The following MAP3K13 variants were observed in gnomAD, a reference collection of about 807,000 sequenced individuals.
The protein encoded by MAP3K13 is mitogen-activated protein kinase kinase kinase 13, also known as leucine zipper-bearing kinase.
A neutral mutation model predicts 104.0 loss-of-function variants in MAP3K13; 52 were observed. That is an observed-to-expected ratio of 0.50 (90% CI 0.40 to 0.63). The LOEUF is 0.63. MAP3K13 is among the 20% of genes least tolerant of loss of function. The probability of loss-of-function intolerance (pLI) is 0.00; values close to 1 mark genes in which losing one functional copy is unlikely to be tolerated. For missense variants in MAP3K13, 914 were observed against 1,218.5 expected (o/e 0.75, Z 3.72); for synonymous variants, 394 against 442.2 (o/e 0.89, Z 1.37).
intron 2 of MAP3K13, among the ~76,000 whole-genome samples, chr3:185,310,833 T>C (rs1434788873): frequency 6.6e-6 from 1 of 152,254 alleles, no homozygotes; most frequent in East Asian, 1.9e-4. Context: ...CCTGCCACTA[T>C]GCTATCATTG....
chr3:185,347,287 G>C (rs1056284474), intron 2 of MAP3K13, among the ~76,000 whole-genome samples: 4 of 152,052 alleles, frequency 2.6e-5, no homozygotes, highest in African/African-American at 9.7e-5. Context: ...ACCTGGCCGA[G>C]ATTTGCTTTT....
At chr3:185,458,009 A>C (rs182416320) in intron 7 of MAP3K13, among the ~76,000 whole-genome samples, 8 of 152,286 alleles carry the variant, frequency 5.3e-5, no homozygotes, top group Admixed American at 4.6e-4. Context: ...AGTTTCTGTG[A>C]GGAGCAAATG....
intron 7 of MAP3K13, among the ~76,000 whole-genome samples, chr3:185,455,456 C>G (rs574316108): frequency 1.9e-4 from 15 of 78,190 alleles, no homozygotes; most frequent in East Asian, 1.7e-3. Flanking sequence ...AGATATATAT[C>G]ATATATATGA....
rs555428012 is a variant in MAP3K13 at position 185,474,749 on chromosome 3, A to G, written c.2430+988A>G. On this transcript the variant is annotated intron_variant, in intron 11 of 13. Coordinates refer to ENST00000265026, the MANE Select transcript of MAP3K13 (RefSeq NM_004721.5). Reference sequence around the variant, plus strand: ...CTGGGATTTGTTACCTGGGAAGCAGACTACCATAGCAGTTAAGAGCATGAG... The same window carrying G: ...CTGGGATTTGTTACCTGGGAAGCAGGCTACCATAGCAGTTAAGAGCATGAG... Among the ~76,000 whole-genome samples the G allele has an allele frequency of 4.6e-5, 7 of 152,266 alleles. No individual in the cohort carries two copies. In the South Asian group the frequency reaches 1.5e-3, roughly 32 times the overall value.
chr3:185,465,960 G>A, intron 9 of MAP3K13, 97 bp downstream of exon 9: 1 of 901,070 alleles, frequency 1.1e-6, no homozygotes. Flanking sequence ...AGAACTGGCA[G>A]ATATTTTATT....
intron 1 of MAP3K13, among the ~76,000 whole-genome samples, chr3:185,415,881 C>A (rs912421730): frequency 2.0e-5 from 3 of 152,046 alleles, no homozygotes; most frequent in African/African-American, 7.2e-5. Flanking sequence ...CTGCTCCCGG[C>A]CAATTTTTTT....
chr3:185,324,773 T>A (rs1407646699), intron 2 of MAP3K13, among the ~76,000 whole-genome samples: 1 of 150,930 alleles, frequency 6.6e-6, no homozygotes. Flanking sequence ...TGTAAACTCT[T>A]TAAAAAAATG....
chr3:185,454,615 T>TATATATATCATATATAG (rs1716213610), intron 7 of MAP3K13, among the ~76,000 whole-genome samples: 1 of 46,906 alleles, frequency 2.1e-5, no homozygotes, highest in African/African-American at 6.8e-5. Context: ...ATATATATGA[T>TATATATATCATATATAG]ATATATATGA....
At position 185,466,887 on chromosome 3, in the gene MAP3K13, A is replaced by G. The variant is rs201038046; in HGVS notation, c.1567A>G (p.Ile523Val). 415 of 1,613,974 alleles carry G rather than the reference A, an allele frequency of 2.6e-4. 1 individual carries two copies. The East Asian group carries it at 8.1e-3, about 32-fold the overall frequency. ...GTYKRHPVRP[I>V]IHPNAMEKLM... ...CTACAAACGACACCCTGTTCGTCCT[A>G]TCATCCATCCCAATGCCATGGAGAA... Residue 523 changes from isoleucine to valine, a missense_variant, in exon 10 of 14, where the codon ATC becomes GTC. This residue lies in a region of MAP3K13 where 583 missense variants were observed against 737.4 expected (regional missense o/e 0.79). Coordinates refer to ENST00000265026, the MANE Select transcript of MAP3K13 (RefSeq NM_004721.5).
rs1718819945 is a variant in MAP3K13, at chr3:185,488,308, C to T, written c.*5852C>T. The T allele has an allele frequency of 6.6e-6, 1 of 152,150 alleles. No homozygotes were observed. The highest frequency in any genetic ancestry group is 1.5e-5 in the Non-Finnish European group (1 of 68,040). The allele number at this position is 152,150 out of a possible 1,614,324, so 9.4% of individuals were successfully genotyped here. A position where few individuals can be genotyped will look rare whatever the true frequency, so the allele number is the denominator to read the frequency against. ...GACAAATATCCTAGCATACTCACAC[C>T]ACCAGTGTCCCACCCTCACAGACTG... On this transcript the variant is annotated 3_prime_UTR_variant, in exon 14 of 14. Transcript: ENST00000265026.
chr3:185,385,442 G>T (rs934121908), intron 1 of MAP3K13, among the ~76,000 whole-genome samples: 1 of 152,046 alleles, frequency 6.6e-6, no homozygotes, highest in Non-Finnish European at 1.5e-5. Context: ...CAAAGTGCTG[G>T]GATTGCAGGT....
rs111457224 is a variant in MAP3K13, at chr3:185,364,616, T to C, written c.-86+1248T>C. Among the ~76,000 whole-genome samples, 182 of 152,370 alleles carry C rather than the reference T, an allele frequency of 1.2e-3. 1 individual carries two copies. The highest frequency in any genetic ancestry group is 4.1e-3 in the African/African-American group (172 of 41,594). On this transcript the variant is annotated intron_variant, in intron 1 of 13. Transcript: ENST00000265026. The stretch of plus-strand genomic sequence containing the variant: ...TGTTGTTCTTAATGAATCTTCCAAC[T>C]GTAAACTCATCTAATTTCAAACTTA...
At chr3:185,455,061 G>C (rs62650462) in intron 7 of MAP3K13, among the ~76,000 whole-genome samples, 3 of 87,784 alleles carry the variant, frequency 3.4e-5, no homozygotes, top group African/African-American at 1.4e-4. Context: ...ATATATGTGA[G>C]ATATATATGA....
At chr3:185,334,957 T>G (rs1263576135) in intron 2 of MAP3K13, among the ~76,000 whole-genome samples, 1 of 151,766 alleles carries the variant, frequency 6.6e-6, no homozygotes, top group Non-Finnish European at 1.5e-5. Flanking sequence ...CCTCTCTCAC[T>G]CTACACAAAA....
Position 185,415,704 on chromosome 3 carries a change from C to T in MAP3K13, c.-85-12793C>T, listed in dbSNP as rs942349648. 2.6e-5 allele frequency among the ~76,000 whole-genome samples: 4 copies of T among 151,624 alleles called. No individual in the cohort carries two copies. In the East Asian group the frequency reaches 7.8e-4, roughly 30 times the overall value. ...GCTCAAGAGATTCTCCTGCCTCAGC[C>T]TCCCAAGTAGCTGGGATTACAGGCA... On this transcript the variant is annotated intron_variant, in intron 1 of 13. Coordinates refer to ENST00000265026, the MANE Select transcript of MAP3K13 (RefSeq NM_004721.5).
At chr3:185,402,281 A>T (rs913421698) in intron 1 of MAP3K13, among the ~76,000 whole-genome samples, 16 of 152,208 alleles carry the variant, frequency 1.1e-4, no homozygotes, top group Non-Finnish European at 2.4e-4. Context: ...ACAAATTATT[A>T]TTCATGGTAG....
intron 10 of MAP3K13, among the ~76,000 whole-genome samples, chr3:185,472,231 A>T (rs1293424151): frequency 8.3e-6 from 1 of 119,902 alleles, no homozygotes; most frequent in African/African-American, 3.3e-5. Context: ...TTTTTTTGAG[A>T]CAGAGTCTCA....
At chr3:185,455,653 A>C (rs1228246816) in intron 7 of MAP3K13, among the ~76,000 whole-genome samples, 1 of 54,598 alleles carries the variant, frequency 1.8e-5, no homozygotes, top group East Asian at 5.0e-4. Flanking sequence ...TGAGATATAT[A>C]TATGATATAT....
intron 1 of MAP3K13, chr3:185,417,539 C>G: frequency 6.2e-7 from 1 of 1,610,980 alleles, no homozygotes; most frequent in Non-Finnish European, 8.5e-7. Context: ...TTCTTTTCTG[C>G]AGGCTTCTTT....
Sources: allele counts gnomAD v4.1 joint callset (sites outside exome capture counted in the v4.1 genomes callset), GRCh38; gene constraint gnomAD v4.1.1; regional missense constraint gnomAD v4.1.1; transcripts MANE v1.5; gene names NCBI Gene and HGNC (gene_info 2026-07-23, HGNC 2026-07-21).